Variants in FCHO2 observed in about 807,000 individuals in gnomAD.
FCHO2 encodes FCH and mu domain containing endocytic adaptor 2, also known as F-BAR domain only protein 2.
In FCHO2, 43 loss-of-function variants were observed where a neutral mutation model predicts 114.1. That is an observed-to-expected ratio of 0.38 (90% CI 0.30 to 0.49). The LOEUF (loss-of-function observed/expected upper bound fraction) is 0.49, where lower values mean the gene tolerates loss of function less well. Ranked by LOEUF, FCHO2 falls within the 20% of genes least tolerant of loss-of-function variation. The pLI is 0.97. For missense variants in FCHO2, 807 were observed against 950.4 expected, an observed-to-expected ratio of 0.85 and a Z score of 1.98; for synonymous variants, 293 against 315.2, an observed-to-expected ratio of 0.93 and a Z score of 0.75.
At chr5:73,059,084 T>C (rs1240163794) in intron 17 of FCHO2, among the ~76,000 whole-genome samples, 1 of 152,178 alleles carries the variant, frequency 6.6e-6, no homozygotes, top group Non-Finnish European at 1.5e-5. Flanking sequence ...GGCAATAATA[T>C]ATGAAGTTTC....
chr5:73,060,332 A>G (rs1757796624), intron 17 of FCHO2, among the ~76,000 whole-genome samples: 2 of 152,012 alleles, frequency 1.3e-5, no homozygotes, highest in Non-Finnish European at 2.9e-5. Flanking sequence ...AAAAAAGTTA[A>G]TGATGCTCAA....
intron 13 of FCHO2, among the ~76,000 whole-genome samples, chr5:73,053,568 G>A (rs778135311): frequency 1.2e-4 from 18 of 152,014 alleles, no homozygotes; most frequent in South Asian, 2.1e-4. Flanking sequence ...GGTGGCATGC[G>A]CCTTTGGTCC....
intron 6 of FCHO2, among the ~76,000 whole-genome samples, chr5:73,007,886 G>A (rs1754804410): frequency 6.6e-6 from 1 of 152,132 alleles, no homozygotes; most frequent in African/African-American, 2.4e-5. Context: ...AGTCAGGAAA[G>A]GCCTTTTAAG....
intron 1 of FCHO2, among the ~76,000 whole-genome samples, chr5:72,961,467 ATTTAC>A (rs917040283): frequency 3.3e-5 from 5 of 152,142 alleles, no homozygotes; most frequent in South Asian, 2.1e-4. Flanking sequence ...ATCTGTATAT[ATTTAC>A]TTTATACATT....
intron 9 of FCHO2, 147 bp downstream of exon 9, chr5:73,034,848 G>A: frequency 2.0e-6 from 1 of 498,134 alleles, no homozygotes; most frequent in Non-Finnish European, 3.4e-6. Flanking sequence ...TAGTTTGAAG[G>A]CCTGCAGATG....
intron 2 of FCHO2, among the ~76,000 whole-genome samples, chr5:72,974,316 CAT>C (rs909961063): frequency 2.2e-5 from 3 of 138,038 alleles, no homozygotes; most frequent in Non-Finnish European, 4.8e-5. Flanking sequence ...TAAAGTCTCC[CAT>C]TATTAATGTG....
chr5:72,990,837 A>G lies in FCHO2; in HGVS notation c.468A>G (p.Glu156=). The part of the protein sequence containing the change: ...KCVEQERLKK[E]GATQREIEKA... The stretch of plus-strand genomic sequence containing the variant: ...TAGAACAGGAGCGTTTGAAAAAGGA[A>G]GGAGCTACACAAAGAGAAATAGAAA... Residue 156 remains glutamate, a synonymous_variant, in exon 5 of 26, where the codon GAA becomes GAG. Coordinates refer to ENST00000430046, the MANE Select transcript of FCHO2 (RefSeq NM_138782.3). The G allele has an allele frequency of 6.4e-7, 1 of 1,550,444 alleles. No individual in the cohort carries two copies. The highest frequency in any genetic ancestry group is 2.4e-5 in the East Asian group (1 of 40,894).
chr5:73,034,695 G>A lies in FCHO2; in HGVS notation c.835G>A (p.Val279Ile), dbSNP rs887520336. The change falls in exon 9 of 26, where the codon GTT (valine) becomes ATT (isoleucine). Residue 279 changes from valine to isoleucine, a missense_variant. Val to Ile is a conservative substitution (Grantham distance 29). Coordinates refer to ENST00000430046, the MANE Select transcript of FCHO2 (RefSeq NM_138782.3). ...EFEECDTASA[V>I]EGIKPRKRKT... Reference sequence around the variant, plus strand: ...TGAAGAATGTGACACTGCTAGTGCAGTTGAAGGTAAGTTGATTAGTTATAA... The same window carrying A: ...TGAAGAATGTGACACTGCTAGTGCAATTGAAGGTAAGTTGATTAGTTATAA... 2 of 1,593,480 alleles carry A rather than the reference G, an allele frequency of 1.3e-6. No individual in the cohort carries two copies. Among genetic ancestry groups the A allele is most frequent in the Non-Finnish European group, 8.5e-7 (1 of 1,172,580 alleles).
At chr5:73,021,324 G>A in intron 8 of FCHO2, 1 of 417,344 alleles carries the variant, frequency 2.4e-6, no homozygotes, top group Admixed American at 3.5e-5. Flanking sequence ...CAGAAGTGAT[G>A]GCGACAGGAG....
At chr5:73,019,039 A>T (rs1053896641) in intron 8 of FCHO2, among the ~76,000 whole-genome samples, 8 of 152,200 alleles carry the variant, frequency 5.3e-5, no homozygotes, top group Non-Finnish European at 1.0e-4. Context: ...TTTGGCAGAA[A>T]AGTTGCTGTG....
intron 1 of FCHO2, among the ~76,000 whole-genome samples, chr5:72,968,026 G>A (rs867673321): frequency 2.6e-5 from 4 of 151,702 alleles, no homozygotes; most frequent in South Asian, 4.2e-4. Flanking sequence ...CCGGGTTCAC[G>A]CCGTTCTCCT....
intron 2 of FCHO2, among the ~76,000 whole-genome samples, chr5:72,976,186 A>G (rs191974184): frequency 2.0e-5 from 3 of 152,274 alleles, no homozygotes; most frequent in Admixed American, 2.0e-4. Flanking sequence ...ATATAGTGGT[A>G]TCTTATCATT....
At chr5:72,987,700 A>G (rs1043255613) in intron 2 of FCHO2, among the ~76,000 whole-genome samples, 4 of 152,224 alleles carry the variant, frequency 2.6e-5, no homozygotes, top group African/African-American at 9.6e-5. Flanking sequence ...AAACTCACAC[A>G]TTGATATACT....
chr5:72,975,612 C>A (rs1580021510), intron 2 of FCHO2, among the ~76,000 whole-genome samples: 1 of 152,288 alleles, frequency 6.6e-6, no homozygotes, highest in East Asian at 1.9e-4. Flanking sequence ...TCAAGCAATT[C>A]TTGTGCCTCA....
chr5:73,056,422 A>G (rs1025464222), intron 16 of FCHO2, among the ~76,000 whole-genome samples: 1 of 152,162 alleles, frequency 6.6e-6, no homozygotes, highest in Non-Finnish European at 1.5e-5. Context: ...CTGCCCTGAA[A>G]ATCTTCTGTG....
intron 8 of FCHO2, among the ~76,000 whole-genome samples, chr5:73,033,174 T>C (rs2112790479): frequency 6.6e-6 from 1 of 152,322 alleles, no homozygotes; most frequent in East Asian, 1.9e-4. Flanking sequence ...GGTCATTTTC[T>C]GACTCTTTAA....
chr5:73,025,025 G>A (rs908394046), intron 8 of FCHO2, among the ~76,000 whole-genome samples: 1 of 152,058 alleles, frequency 6.6e-6, no homozygotes. Context: ...GGCTTTCGTA[G>A]AGTCACTAAA....
intron 8 of FCHO2, among the ~76,000 whole-genome samples, chr5:73,030,916 A>G (rs1756206879): frequency 6.6e-6 from 1 of 152,228 alleles, no homozygotes; most frequent in South Asian, 2.1e-4. Context: ...CAACTTTCAA[A>G]TGGTTTAGCA....
intron 8 of FCHO2, among the ~76,000 whole-genome samples, chr5:73,031,260 A>G (rs184105388): frequency 1.2e-4 from 19 of 152,198 alleles, no homozygotes; most frequent in Admixed American, 9.2e-4. Flanking sequence ...TCATGCACAC[A>G]TGCACACACC....
Sources: allele counts gnomAD v4.1 joint callset (sites outside exome capture counted in the v4.1 genomes callset), GRCh38; gene constraint gnomAD v4.1.1; transcripts MANE v1.5; gene names NCBI Gene and HGNC (gene_info 2026-07-23, HGNC 2026-07-21).